The following CDH18 variants were observed in gnomAD, a reference collection of about 807,000 sequenced individuals.
CDH18 encodes the protein cadherin 18.
Under a neutral mutation model 67.9 loss-of-function variants are expected in CDH18, and 31 were observed. The ratio of observed to expected loss-of-function variants is 0.46; its 90% CI spans 0.34 to 0.62. The LOEUF is 0.62. Ranked by LOEUF, CDH18 falls within the 20% of genes least tolerant of loss-of-function variation. CDH18 has a pLI of 0.01. For synonymous variants in CDH18, 362 were observed against 347.2 expected (o/e 1.04, Z -0.48); for missense variants, 890 against 975.5 (o/e 0.91, Z 1.17).
chr5:19,753,570 A>G (rs1397074243), intron 3 of CDH18, among the ~76,000 whole-genome samples: 5 of 152,236 alleles, frequency 3.3e-5, no homozygotes, highest in Admixed American at 6.5e-5. Context: ...CTTCAAGAAG[A>G]AGAGAAATCT....
intron 2 of CDH18, among the ~76,000 whole-genome samples, chr5:19,901,833 TA>T (rs1244175825): frequency 6.6e-6 from 1 of 151,888 alleles, no homozygotes; most frequent in African/African-American, 2.4e-5. Context: ...TCACTTATGA[TA>T]TATAATATAT....
At chr5:19,559,915 C>CAAAAAAAAAAAAAAAAAA in intron 8 of CDH18, among the ~76,000 whole-genome samples, 1 of 131,990 alleles carries the variant, frequency 7.6e-6, no homozygotes, top group African/African-American at 3.0e-5. Flanking sequence ...ATAATAGTTG[C>CAAAAAAAAAAAAAAAAAA]AAAAACAAAC....
chr5:19,501,514 GAAA>G (rs33928797), intron 11 of CDH18, among the ~76,000 whole-genome samples: 2 of 121,586 alleles, frequency 1.6e-5, no homozygotes, highest in Non-Finnish European at 3.5e-5. Context: ...TCTTAAAAAA[GAAA>G]AAAAAAAAAA....
intron 5 of CDH18, among the ~76,000 whole-genome samples, chr5:19,702,706 T>G (rs1468839449): frequency 6.6e-6 from 1 of 151,984 alleles, no homozygotes; most frequent in Non-Finnish European, 1.5e-5. Context: ...AGGTGGAGTT[T>G]CAGTGTGTTG....
chr5:20,147,644 T>G (rs952726989), intron 2 of CDH18, among the ~76,000 whole-genome samples: 5 of 152,296 alleles, frequency 3.3e-5, no homozygotes, highest in Admixed American at 3.3e-4. Context: ...ATTTTCATTT[T>G]CTCTTTCTTT....
intron 1 of CDH18, among the ~76,000 whole-genome samples, chr5:20,271,264 G>A (rs115124869): frequency 1.6e-3 from 247 of 152,240 alleles, no homozygotes; most frequent in African/African-American, 5.7e-3. Flanking sequence ...AGAAGATTGA[G>A]ACCCTAATCC....
chr5:20,234,033 A>G (rs1742284441), intron 2 of CDH18, among the ~76,000 whole-genome samples: 1 of 152,120 alleles, frequency 6.6e-6, no homozygotes, highest in Non-Finnish European at 1.5e-5. Flanking sequence ...CACATGTACC[A>G]TAATAACAAC....
chr5:19,949,069 C>A (rs758256109), intron 2 of CDH18, among the ~76,000 whole-genome samples: 1 of 152,066 alleles, frequency 6.6e-6, no homozygotes, highest in South Asian at 2.1e-4. Context: ...TAAAAGTAAG[C>A]ACAGCTACAC....
At chr5:19,738,808 G>A (rs571027310) in intron 4 of CDH18, among the ~76,000 whole-genome samples, 57 of 152,042 alleles carry the variant, frequency 3.7e-4, no homozygotes, top group Non-Finnish European at 6.2e-4. Context: ...CCTGAATGAC[G>A]AAATAATCTA....
At chr5:19,682,551 T>C (rs180996371) in intron 5 of CDH18, among the ~76,000 whole-genome samples, 1 of 152,198 alleles carries the variant, frequency 6.6e-6, no homozygotes, top group East Asian at 1.9e-4. Flanking sequence ...TTTTATGTTC[T>C]ATTAACTCCA....
chr5:20,553,478 C>T (rs1205812571), intron 1 of CDH18, among the ~76,000 whole-genome samples: 1 of 152,052 alleles, frequency 6.6e-6, no homozygotes, highest in African/African-American at 2.4e-5. Context: ...ATTTATTGGG[C>T]TAATTATAGA....
Position 20,534,680 on chromosome 5 carries a change from C to T in CDH18, c.-580+40782G>A, listed in dbSNP as rs558263484. ...TGTAGCTCATATTTTTTCACCTATGCCATATCTTACAGGCTTTAAATTTTT... is the reference window on the plus strand; with the variant it reads ...TGTAGCTCATATTTTTTCACCTATGTCATATCTTACAGGCTTTAAATTTTT... On this transcript the variant is annotated intron_variant, in intron 1 of 14. Coordinates refer to the CDH18 transcript ENST00000507958. 3.8e-3 allele frequency among the ~76,000 whole-genome samples: 578 copies of T among 151,980 alleles called. 3 individuals are homozygous for T. Among genetic ancestry groups the T allele is most frequent in the Non-Finnish European group, 6.2e-3 (419 of 67,952 alleles).
At chr5:20,265,847 T>C (rs1744992870) in intron 1 of CDH18, among the ~76,000 whole-genome samples, 1 of 152,140 alleles carries the variant, frequency 6.6e-6, no homozygotes, top group African/African-American at 2.4e-5. Context: ...TATTTCTGGG[T>C]GTGTCAGTGG....
intron 2 of CDH18, among the ~76,000 whole-genome samples, chr5:20,021,373 T>C (rs1355504769): frequency 1.3e-5 from 2 of 152,156 alleles, no homozygotes; most frequent in South Asian, 2.1e-4. Context: ...ATGAAGGACA[T>C]GAGATTTGAG....
intron 1 of CDH18, among the ~76,000 whole-genome samples, chr5:20,423,506 G>A (rs1420263256): frequency 6.6e-6 from 1 of 151,012 alleles, no homozygotes; most frequent in East Asian, 1.9e-4. Context: ...ATAAAGAAAC[G>A]CAAAATGCAA....
chr5:20,054,648 G>C (rs373087225), intron 2 of CDH18, among the ~76,000 whole-genome samples: 23 of 152,156 alleles, frequency 1.5e-4, no homozygotes, highest in African/African-American at 5.3e-4. Flanking sequence ...TCTTAGCTTT[G>C]ACTTGCTCAA....
At chr5:20,470,211 T>C (rs1227549230) in intron 1 of CDH18, among the ~76,000 whole-genome samples, 1 of 152,154 alleles carries the variant, frequency 6.6e-6, no homozygotes, top group African/African-American at 2.4e-5. Context: ...AAATCAAGCA[T>C]ACATTCCATG....
intron 8 of CDH18, among the ~76,000 whole-genome samples, chr5:19,564,522 C>T (rs1056243926): frequency 6.6e-6 from 1 of 152,114 alleles, no homozygotes; most frequent in African/African-American, 2.4e-5. Context: ...AATTCATGAC[C>T]TCCTTACTAA....
chr5:19,991,621 C>T (rs1049171183), upstream of CDH18, among the ~76,000 whole-genome samples: 1 of 151,906 alleles, frequency 6.6e-6, no homozygotes, highest in African/African-American at 2.4e-5. Context: ...AAAGAGAAAA[C>T]AAATTGATAA....
Sources: gnomAD v4.1 joint callset for allele counts (sites outside exome capture counted in the v4.1 genomes callset) on GRCh38, gnomAD v4.1.1 for gene constraint, MANE v1.5 for transcripts, NCBI Gene and HGNC (gene_info 2026-07-23, HGNC 2026-07-21) for gene names.